Variants in SDK1 observed in about 807,000 individuals in gnomAD.
SDK1 encodes the protein sidekick cell adhesion molecule 1.
A neutral mutation model predicts 245.5 loss-of-function variants in SDK1; 157 were observed. The observed-to-expected ratio is 0.64, with a 90% CI of 0.56 to 0.73. The LOEUF is 0.73. Ranked by LOEUF, SDK1 falls within the 30% of genes least tolerant of loss-of-function variation. The pLI is 0.00. For synonymous variants in SDK1, 1,647 were observed against 1,278.5 expected, an observed-to-expected ratio of 1.29 and a Z score of -6.15; for missense variants, 3,583 against 3,002.3, an observed-to-expected ratio of 1.19 and a Z score of -4.52.
chr7:3,820,257 G>A (rs1779611551), intron 4 of SDK1, among the ~76,000 whole-genome samples: 4 of 152,068 alleles, frequency 2.6e-5, no homozygotes, highest in Admixed American at 2.6e-4. Flanking sequence ...TCAAGCGATT[G>A]TTCTGCCTCG....
intron 5 of SDK1, among the ~76,000 whole-genome samples, chr7:3,853,075 G>A (rs1299908446): frequency 6.6e-6 from 1 of 151,964 alleles, no homozygotes; most frequent in East Asian, 1.9e-4. Context: ...CCCACACGTG[G>A]GAAAAGTTAG....
At chr7:3,356,751 T>A (rs1336337514) in intron 1 of SDK1, among the ~76,000 whole-genome samples, 9 of 152,082 alleles carry the variant, frequency 5.9e-5, no homozygotes, top group African/African-American at 2.2e-4. Flanking sequence ...CTGCGTTCTT[T>A]TGTACAAAAA....
intron 19 of SDK1, among the ~76,000 whole-genome samples, chr7:4,064,603 C>T (rs151038740): frequency 6.6e-6 from 1 of 152,264 alleles, no homozygotes; most frequent in East Asian, 1.9e-4. Flanking sequence ...TCAAAGGATA[C>T]CCATACCCCA....
intron 23 of SDK1, among the ~76,000 whole-genome samples, chr7:4,111,629 A>G (rs1783358582): frequency 6.6e-6 from 1 of 152,224 alleles, no homozygotes. Context: ...CTGGGTTTTA[A>G]AGAAAAACAT....
intron 1 of SDK1, among the ~76,000 whole-genome samples, chr7:3,364,973 T>C (rs1245431885): frequency 2.0e-5 from 3 of 152,230 alleles, no homozygotes; most frequent in Non-Finnish European, 2.9e-5. Flanking sequence ...ATATGAGTCC[T>C]GTACATGTTT....
intron 1 of SDK1, among the ~76,000 whole-genome samples, chr7:3,467,061 T>C (rs1781030024): frequency 6.8e-6 from 1 of 146,982 alleles, no homozygotes; most frequent in Admixed American, 6.7e-5. Context: ...AGAAAGACTT[T>C]AAGGAAAGAC....
rs371679628 is a variant in SDK1 at position 4,062,011 on chromosome 7, C to T, written c.2912-5827C>T. ...GTGGGGGGAGGGGGGAGGGATAGCA[C>T]TAGGAGATATACCTAATGCTAAATG... On this transcript the variant is annotated intron_variant, in intron 19 of 44. Coordinates refer to ENST00000404826, the MANE Select transcript of SDK1 (RefSeq NM_152744.4). Among the ~76,000 whole-genome samples, 1,027 of 147,894 alleles carry T rather than the reference C, an allele frequency of 6.9e-3. 12 individuals carry two copies. Among genetic ancestry groups the T allele is most frequent in the South Asian group, 0.022 (98 of 4,442 alleles).
chr7:4,191,385 C>T (rs946967690), intron 35 of SDK1, among the ~76,000 whole-genome samples: 7 of 152,264 alleles, frequency 4.6e-5, no homozygotes, highest in Non-Finnish European at 7.3e-5. Context: ...TGACGTCCAT[C>T]ACTGTAGACA....
chr7:3,365,838 A>C (rs1781073757), intron 1 of SDK1, among the ~76,000 whole-genome samples: 1 of 148,102 alleles, frequency 6.8e-6, no homozygotes. Context: ...GGAGTTTGAG[A>C]CCAGCCTGGC....
chr7:3,448,816 T>C (rs1274656359), intron 1 of SDK1, among the ~76,000 whole-genome samples: 1 of 152,190 alleles, frequency 6.6e-6, no homozygotes, highest in Non-Finnish European at 1.5e-5. Flanking sequence ...GTAATGACTT[T>C]TTAAAAGCAG....
chr7:3,807,477 T>C (rs1276175261), intron 4 of SDK1, among the ~76,000 whole-genome samples: 2 of 152,138 alleles, frequency 1.3e-5, no homozygotes, highest in Non-Finnish European at 2.9e-5. Flanking sequence ...GTCACCAGTT[T>C]TGTGATCCCC....
chr7:4,217,440 A>AACCACACCAGCCGGAGC, intron 38 of SDK1, among the ~76,000 whole-genome samples: 1 of 71,254 alleles, frequency 1.4e-5, no homozygotes, highest in South Asian at 5.0e-4. Flanking sequence ...CCACTCGGAG[A>AACCACACCAGCCGGAGC]ACCACACCAC....
intron 16 of SDK1, 32 bp from the exon 17 acceptor site, chr7:4,017,139 C>T (rs1287907797): frequency 7.6e-6 from 12 of 1,576,760 alleles, no homozygotes; most frequent in Non-Finnish European, 5.2e-6. Flanking sequence ...CCAGTTATTT[C>T]CTTATCGTGA....
chr7:4,149,182 C>A, intron 29 of SDK1, 80 bp from the exon 30 acceptor site: 2 of 1,209,272 alleles, frequency 1.7e-6, no homozygotes, highest in South Asian at 3.7e-5. Flanking sequence ...CAGCCCTGTA[C>A]AGCAGCGTAG....
intron 5 of SDK1, among the ~76,000 whole-genome samples, chr7:3,874,663 T>C (rs968813405): frequency 7.9e-5 from 12 of 152,112 alleles, no homozygotes; most frequent in African/African-American, 2.2e-4. Flanking sequence ...CAGTTTTTGT[T>C]TTGTTTTTTG....
intron 1 of SDK1, among the ~76,000 whole-genome samples, chr7:3,438,535 T>C (rs1271517296): frequency 6.6e-6 from 1 of 152,172 alleles, no homozygotes; most frequent in African/African-American, 2.4e-5. Flanking sequence ...GAAGTGTCCA[T>C]TGTGAAGGCC....
intron 4 of SDK1, among the ~76,000 whole-genome samples, chr7:3,802,610 A>G (rs1416425463): frequency 6.6e-6 from 1 of 150,912 alleles, no homozygotes; most frequent in Non-Finnish European, 1.5e-5. Flanking sequence ...TGTAATTGTC[A>G]TACCTTCCCT....
At chr7:4,023,140 G>C (rs1420847036) in intron 17 of SDK1, among the ~76,000 whole-genome samples, 1 of 152,052 alleles carries the variant, frequency 6.6e-6, no homozygotes, top group Non-Finnish European at 1.5e-5. Flanking sequence ...GTCCACTCCA[G>C]TTCTTCGCAA....
At chr7:3,783,890 G>A (rs767170367) in intron 4 of SDK1, among the ~76,000 whole-genome samples, 2 of 150,866 alleles carry the variant, frequency 1.3e-5, no homozygotes, top group African/African-American at 2.5e-5. Context: ...CCCCCAAATA[G>A]CCAAGGCAAT....
Sources: allele counts gnomAD v4.1 joint callset (sites outside exome capture counted in the v4.1 genomes callset), GRCh38; gene constraint gnomAD v4.1.1; transcripts MANE v1.5; gene names NCBI Gene and HGNC (gene_info 2026-07-23, HGNC 2026-07-21).